Variants in R3HDM2 observed in about 807,000 individuals in gnomAD.
R3HDM2 encodes R3H domain-containing protein 2.
R3HDM2 carries 38 observed loss-of-function variants against 124.5 expected under a neutral mutation model. The ratio of observed to expected loss-of-function variants is 0.31; its 90% confidence interval spans 0.24 to 0.40. The LOEUF (loss-of-function observed/expected upper bound fraction) is 0.40. R3HDM2 is among the 10% of genes least tolerant of loss of function. The pLI, the probability that R3HDM2 is intolerant of heterozygous loss-of-function variation, is 1.00. For synonymous variants in R3HDM2, 391 were observed against 448.0 expected (o/e 0.87, Z 1.61); for missense variants, 869 against 1,236.9 (o/e 0.70, Z 4.46).
chr12:57,345,310 C>A (rs2059978761), intron 2 of R3HDM2, among the ~76,000 whole-genome samples: 1 of 151,920 alleles, frequency 6.6e-6, no homozygotes, highest in Non-Finnish European at 1.5e-5. Context: ...AAGACATAAA[C>A]CAACAGATTC....
intron 11 of R3HDM2, among the ~76,000 whole-genome samples, chr12:57,291,035 A>G (rs527697728): frequency 6.7e-6 from 1 of 150,172 alleles, no homozygotes; most frequent in East Asian, 1.9e-4. Context: ...AGGTAAAGGT[A>G]GAAAACCCTC....
intron 19 of R3HDM2, 140 bp downstream of exon 19, chr12:57,266,591 T>G: frequency 1.5e-6 from 1 of 675,662 alleles, no homozygotes; most frequent in East Asian, 3.0e-5. Context: ...GCTAAGACTG[T>G]TTTTTCTTTG....
intron 4 of R3HDM2, among the ~76,000 whole-genome samples, chr12:57,302,404 G>A (rs1033217321): frequency 2.6e-5 from 4 of 152,068 alleles, no homozygotes; most frequent in Non-Finnish European, 5.9e-5. Flanking sequence ...GGTGGCTCAT[G>A]CCTGTAATGC....
chr12:57,343,170 T>C (rs561127545), intron 2 of R3HDM2, among the ~76,000 whole-genome samples: 3 of 151,322 alleles, frequency 2.0e-5, no homozygotes, highest in African/African-American at 7.3e-5. Flanking sequence ...AGCTTAGATA[T>C]GACCCTCGGG....
At chr12:57,338,937 A>G (rs2059210019) in intron 2 of R3HDM2, among the ~76,000 whole-genome samples, 1 of 152,168 alleles carries the variant, frequency 6.6e-6, no homozygotes, top group Non-Finnish European at 1.5e-5. Flanking sequence ...CTGTCTTAAA[A>G]GATTTATTAT....
At chr12:57,293,255 C>T (rs961431834) in intron 10 of R3HDM2, among the ~76,000 whole-genome samples, 3 of 151,882 alleles carry the variant, frequency 2.0e-5, no homozygotes, top group African/African-American at 7.3e-5. Context: ...TTTTCCTGAA[C>T]TTAACTATAT....
intron 19 of R3HDM2, 62 bp downstream of exon 19, chr12:57,266,669 A>C (rs530141068): frequency 4.5e-6 from 6 of 1,330,424 alleles, no homozygotes; most frequent in African/African-American, 1.4e-5. Flanking sequence ...TCTAGAGCAC[A>C]GGCCCTTCAG....
chr12:57,333,688 A>AAAAT (rs1323530586), intron 2 of R3HDM2, among the ~76,000 whole-genome samples: 1 of 151,930 alleles, frequency 6.6e-6, no homozygotes, highest in Non-Finnish European at 1.5e-5. Flanking sequence ...ACTCCATCTC[A>AAAAT]AAATAAATAA....
At chr12:57,414,168 T>C (rs1206909070) in intron 1 of R3HDM2, among the ~76,000 whole-genome samples, 1 of 150,228 alleles carries the variant, frequency 6.7e-6, no homozygotes, top group African/African-American at 2.4e-5. Context: ...TTTTTTTTAC[T>C]ACAAATAACT....
intron 6 of R3HDM2, among the ~76,000 whole-genome samples, chr12:57,298,907 G>A (rs377734605): frequency 2.0e-4 from 30 of 152,238 alleles, no homozygotes; most frequent in Middle Eastern, 6.8e-3. Context: ...AGGTTGCAGT[G>A]AGCCAAGATC....
chr12:57,303,397 G>A (rs1186577379), intron 3 of R3HDM2, among the ~76,000 whole-genome samples, 180 bp from the exon 4 acceptor site: 2 of 152,094 alleles, frequency 1.3e-5, no homozygotes, highest in Non-Finnish European at 2.9e-5. Flanking sequence ...AACTGTGACA[G>A]GAAAGGGACT....
At chr12:57,359,075 G>A (rs1052124013) in intron 2 of R3HDM2, among the ~76,000 whole-genome samples, 2 of 151,802 alleles carry the variant, frequency 1.3e-5, no homozygotes, top group Admixed American at 1.3e-4. Flanking sequence ...CCATCACCAC[G>A]CCCATCTAAT....
At chr12:57,416,206 CTG>C (rs1430099678) in intron 1 of R3HDM2, among the ~76,000 whole-genome samples, 1 of 151,808 alleles carries the variant, frequency 6.6e-6, no homozygotes, top group Non-Finnish European at 1.5e-5. Flanking sequence ...ACACAAAAAA[CTG>C]TGTGTGTACT....
At position 57,302,629 on chromosome 12, in the gene R3HDM2, G is replaced by A. The variant is rs116693070; in HGVS notation, c.207+547C>T. On this transcript the variant is annotated intron_variant, in intron 4 of 23. Transcript: ENST00000402412. Reference sequence around the variant, plus strand: ...TGCAGCGAGCCAGGATTGCACCATCGCACTAAAGCCTGGGCAAGAGAGCAA... The same window carrying A: ...TGCAGCGAGCCAGGATTGCACCATCACACTAAAGCCTGGGCAAGAGAGCAA... Among the ~76,000 whole-genome samples, 732 of 139,222 alleles carry A rather than the reference G, an allele frequency of 5.3e-3. 5 individuals carry two copies. Among genetic ancestry groups the A allele is most frequent in the African/African-American group, 0.019 (697 of 36,558 alleles). 91.3% of individuals were successfully genotyped at this position (139,222 alleles called of 152,430 possible).
chr12:57,333,292 T>C (rs966195997), intron 2 of R3HDM2, among the ~76,000 whole-genome samples: 22 of 152,124 alleles, frequency 1.4e-4, no homozygotes, highest in African/African-American at 5.3e-4. Flanking sequence ...CTATATAATG[T>C]TGACAGGGAT....
chr12:57,408,332 G>C (rs749832420), intron 1 of R3HDM2, among the ~76,000 whole-genome samples: 2 of 152,142 alleles, frequency 1.3e-5, no homozygotes, highest in Admixed American at 1.3e-4. Context: ...CTCCCAAAGT[G>C]CCAGGATTAT....
At chr12:57,372,900 A>T (rs1339330611) in intron 2 of R3HDM2, among the ~76,000 whole-genome samples, 1 of 152,250 alleles carries the variant, frequency 6.6e-6, no homozygotes, top group Non-Finnish European at 1.5e-5. Context: ...TGGTCTTCCC[A>T]GATTTAAATT....
intron 2 of R3HDM2, among the ~76,000 whole-genome samples, chr12:57,315,589 A>C (rs1329479280): frequency 6.6e-6 from 1 of 152,206 alleles, no homozygotes; most frequent in Non-Finnish European, 1.5e-5. Flanking sequence ...TCAGGAAAAG[A>C]CCAACTATCT....
chr12:57,394,491 G>C (rs2067201840), intron 2 of R3HDM2, among the ~76,000 whole-genome samples: 1 of 152,146 alleles, frequency 6.6e-6, no homozygotes, highest in African/African-American at 2.4e-5. Flanking sequence ...AGAATCACTT[G>C]AACCCGGGAG....
Sources: gnomAD v4.1 joint callset for allele counts (sites outside exome capture counted in the v4.1 genomes callset) on GRCh38, gnomAD v4.1.1 for gene constraint, MANE v1.5 for transcripts, NCBI Gene and HGNC (gene_info 2026-07-23, HGNC 2026-07-21) for gene names.